Variants in CCDC30 observed in about 807,000 individuals in gnomAD.
CCDC30 encodes the protein coiled-coil domain-containing protein 30.
Under a neutral mutation model 100.2 loss-of-function variants are expected in CCDC30, and 70 were observed. That is an observed-to-expected ratio of 0.70 (90% CI 0.58 to 0.85). The LOEUF is 0.85. Among genes scored for constraint, CCDC30 ranks in the 40% least tolerant of loss-of-function variants. CCDC30 has a pLI of 0.00. For synonymous variants in CCDC30, 233 were observed against 269.5 expected, an observed-to-expected ratio of 0.86 and a Z score of 1.33; for missense variants, 652 against 771.2, an observed-to-expected ratio of 0.85 and a Z score of 1.83.
chr1:42,571,521 G>A lies in CCDC30; in HGVS notation c.636+5046G>A, dbSNP rs567187446. On this transcript the variant is annotated intron_variant, in intron 7 of 16. Coordinates refer to ENST00000668663, the Ensembl canonical transcript of CCDC30. ...AAAAAATGAACCAGAAGGTGAGCTG[G>A]TTTAGAATGGCAAGGTGGGAAATGG... is the stretch of plus-strand genomic sequence containing the variant. The A allele has an allele frequency of 3.9e-5, 6 of 152,166 alleles. No individual in the cohort carries two copies. In the East Asian group the frequency reaches 1.2e-3, roughly 29 times the overall value. 9.4% of individuals were successfully genotyped at this position (152,166 alleles called of 1,614,324 possible). A position where few individuals can be genotyped will look rare whatever the true frequency, so the allele number is the denominator to read the frequency against.
At chr1:42,553,652 TACACACACACAC>T (rs60429759) in intron 6 of CCDC30, among the ~76,000 whole-genome samples, 59 of 133,830 alleles carry the variant, frequency 4.4e-4, no homozygotes, top group South Asian at 5.2e-4. Context: ...TGAGATTCCA[TACACACACACAC>T]ACACACACAC....
intron 6 of CCDC30, among the ~76,000 whole-genome samples, chr1:42,510,920 C>A (rs972378330): frequency 6.6e-6 from 1 of 151,934 alleles, no homozygotes; most frequent in African/African-American, 2.4e-5. Context: ...AAAGGCCATG[C>A]TCTTGTGTAA....
chr1:42,556,331 G>A (rs376480393), intron 6 of CCDC30: 2 of 1,613,950 alleles, frequency 1.2e-6, no homozygotes, highest in African/African-American at 1.3e-5. Flanking sequence ...GCTTAGAGAA[G>A]AGCTGAGCCA....
At chr1:42,545,604 C>T (rs1645112628) in intron 6 of CCDC30, 25 bp downstream of exon 9, 3 of 1,570,324 alleles carry the variant, frequency 1.9e-6, no homozygotes, top group African/African-American at 1.4e-5. Flanking sequence ...TCCTATATCA[C>T]ATTAATTATT....
intron 1 of CCDC30, among the ~76,000 whole-genome samples, 171 bp from the exon 2 acceptor site, chr1:42,480,290 A>T (rs1399882768): frequency 6.6e-6 from 1 of 152,172 alleles, no homozygotes; most frequent in African/African-American, 2.4e-5. Context: ...TATTAATAAT[A>T]AATGCTATCT....
chr1:42,631,522 C>T (rs145815498), intron 11 of CCDC30, among the ~76,000 whole-genome samples: 21 of 152,308 alleles, frequency 1.4e-4, no homozygotes, highest in African/African-American at 4.8e-4. Context: ...CCGCAATCAG[C>T]AGATGCAAAG....
At chr1:42,542,712 G>A (rs373010276) in intron 6 of CCDC30, 5 of 137,986 alleles carry the variant, frequency 3.6e-5, no homozygotes, top group African/African-American at 7.8e-5. Context: ...CACCGCGCCC[G>A]GCTAATTTTT....
intron 6 of CCDC30, 82 bp from the exon 10 acceptor site, chr1:42,556,074 G>A: frequency 7.3e-7 from 1 of 1,370,628 alleles, no homozygotes; most frequent in Non-Finnish European, 1.0e-6. Context: ...TTGCAACACT[G>A]TCTTGACTTG....
At chr1:42,482,670 A>G (rs760064040) in exon 3 of CCDC30, 36 of 1,233,464 alleles carry the variant, frequency 2.9e-5, no homozygotes, top group Non-Finnish European at 3.4e-5. Context: ...CAGTATCATA[A>G]TGAAGACCTG....
chr1:42,584,577 G>A (rs1433095578), intron 9 of CCDC30, among the ~76,000 whole-genome samples: 1 of 150,664 alleles, frequency 6.6e-6, no homozygotes, highest in East Asian at 2.0e-4. Flanking sequence ...TGGGCAACAG[G>A]GCAGGCTAAA....
At chr1:42,506,837 A>G (rs1028956285) in intron 6 of CCDC30, among the ~76,000 whole-genome samples, 8 of 152,232 alleles carry the variant, frequency 5.3e-5, no homozygotes, top group African/African-American at 1.7e-4. Flanking sequence ...TGCCAAAATG[A>G]TAAGTCAAAA....
At chr1:42,459,067 G>GC (rs1643325264), upstream of CCDC30, 1 of 152,256 alleles carries the variant, frequency 6.6e-6, no homozygotes, top group Non-Finnish European at 1.5e-5. Flanking sequence ...GCAGAGCATG[G>GC]CAGGGCTTAT....
At chr1:42,469,274 C>G (rs1310515446) in intron 1 of CCDC30, among the ~76,000 whole-genome samples, 4 of 152,162 alleles carry the variant, frequency 2.6e-5, no homozygotes, top group Non-Finnish European at 5.9e-5. Context: ...CCTAGCTCCT[C>G]ATGAGGCTGA....
chr1:42,522,365 G>A (rs1352967103), intron 6 of CCDC30, among the ~76,000 whole-genome samples: 2 of 151,926 alleles, frequency 1.3e-5, no homozygotes, highest in African/African-American at 4.8e-5. Context: ...GAAAAGGGGG[G>A]TCTTACTTCT....
intron 16 of CCDC30, 108 bp downstream of exon 20, chr1:42,653,551 CA>C: frequency 1.3e-6 from 1 of 745,262 alleles, no homozygotes; most frequent in Non-Finnish European, 2.3e-6. Flanking sequence ...CTTGAGAAGG[CA>C]TAGCTTTCTG....
chr1:42,496,436 A>G (rs576488221), intron 4 of CCDC30, among the ~76,000 whole-genome samples: 1 of 151,978 alleles, frequency 6.6e-6, no homozygotes, highest in East Asian at 1.9e-4. Context: ...TATTTTTAAC[A>G]CAACTTTGTC....
exon 15 of CCDC30, chr1:42,646,288 A>G (rs540705708): frequency 1.2e-5 from 19 of 1,545,300 alleles, no homozygotes; most frequent in African/African-American, 9.6e-5. Context: ...TCCTGAGGCC[A>G]CAGAGAAGTG....
At chr1:42,611,030 A>G (rs1646611862) in exon 11 of CCDC30, 3 of 1,613,442 alleles carry the variant, frequency 1.9e-6, no homozygotes, top group Non-Finnish European at 2.5e-6. Context: ...CTACAGCAAG[A>G]GAAGGAAGCT....
At chr1:42,494,199 C>T (rs558293369) in intron 4 of CCDC30, among the ~76,000 whole-genome samples, 5 of 152,260 alleles carry the variant, frequency 3.3e-5, no homozygotes, top group South Asian at 2.1e-4. Flanking sequence ...GAAATAACAC[C>T]GCATATCTAC....
Sources: gnomAD v4.1 joint callset for allele counts (sites outside exome capture counted in the v4.1 genomes callset) on GRCh38, gnomAD v4.1.1 for gene constraint, MANE v1.5 for transcripts, NCBI Gene and HGNC (gene_info 2026-07-23, HGNC 2026-07-21) for gene names.